ESRRB: variants seen among roughly 807,000 people sequenced by gnomAD.
ESRRB encodes steroid hormone receptor ERR2.
ESRRB carries 16 observed loss-of-function variants against 46.0 expected under a neutral mutation model. The observed-to-expected ratio is 0.35, with a 90% CI of 0.24 to 0.53. ESRRB has a LOEUF of 0.53. Among genes scored for constraint, ESRRB ranks in the 20% least tolerant of loss-of-function variants. The probability of loss-of-function intolerance (pLI) is 0.93; values close to 1 mark genes in which losing one functional copy is unlikely to be tolerated. For missense variants in ESRRB, 488 were observed against 607.4 expected (o/e 0.80, Z 2.07); for synonymous variants, 246 against 259.6 (o/e 0.95, Z 0.50).
intron 1 of ESRRB, among the ~76,000 whole-genome samples, chr14:76,386,075 G>T (rs1885214835): frequency 6.6e-6 from 1 of 152,162 alleles, no homozygotes; most frequent in Non-Finnish European, 1.5e-5. Context: ...TCCCTACAGT[G>T]AGACTGGGGT....
At position 76,376,721 on chromosome 14, in the gene ESRRB, C is replaced by T. The variant is rs1028694017; in HGVS notation, c.50+270C>T. Among the ~76,000 whole-genome samples the T allele has an allele frequency of 1.3e-5, 2 of 152,190 alleles. No homozygotes were observed. Among genetic ancestry groups the T allele is most frequent in the Non-Finnish European group, 2.9e-5 (2 of 68,028 alleles). ...TCTCATGCACTTTCTCCCTTTCTCT[C>T]TCCTCTCTGATCTTGCTCCGGGGTG... On this transcript the variant is annotated intron_variant, in intron 1 of 6. Coordinates refer to ENST00000644823, the MANE Select transcript of ESRRB (RefSeq NM_001379180.1). The surrounding 1 kb of genome is among the most constrained non-coding windows in gnomAD (Gnocchi z 4.1).
upstream of ESRRB, among the ~76,000 whole-genome samples, chr14:76,368,496 G>C (rs150274987): frequency 6.6e-6 from 1 of 152,284 alleles, no homozygotes; most frequent in East Asian, 1.9e-4. Flanking sequence ...TCCAACCAGC[G>C]ATCCTACAGT....
chr14:76,406,750 A>C (rs1354843708), intron 1 of ESRRB, among the ~76,000 whole-genome samples: 1 of 130,280 alleles, frequency 7.7e-6, no homozygotes, highest in Non-Finnish European at 1.6e-5. Flanking sequence ...GTCAAAAAAC[A>C]AACAAACAAA....
intron 1 of ESRRB, among the ~76,000 whole-genome samples, chr14:76,403,468 A>G (rs949922364): frequency 3.9e-5 from 6 of 152,204 alleles, no homozygotes; most frequent in Non-Finnish European, 7.3e-5. Context: ...GAAAATGAAG[A>G]GATGAGGGAA....
At chr14:76,419,896 T>G (rs1239152546) in intron 1 of ESRRB, among the ~76,000 whole-genome samples, 1 of 152,082 alleles carries the variant, frequency 6.6e-6, no homozygotes, top group East Asian at 1.9e-4. Flanking sequence ...GGGGTGGATG[T>G]GGGCAGGAAA....
At chr14:76,394,805 T>C (rs1485415481) in intron 1 of ESRRB, among the ~76,000 whole-genome samples, 1 of 152,202 alleles carries the variant, frequency 6.6e-6, no homozygotes, top group African/African-American at 2.4e-5. Context: ...TGTGCCAGTG[T>C]CACTGCATAC....
chr14:76,382,653 C>G (rs1366669186), intron 1 of ESRRB, among the ~76,000 whole-genome samples: 1 of 152,168 alleles, frequency 6.6e-6, no homozygotes, highest in African/African-American at 2.4e-5. Context: ...ATGGGATGTT[C>G]ACTATGGAGT....
intron 1 of ESRRB, among the ~76,000 whole-genome samples, chr14:76,395,809 A>G (rs11622259): frequency 0.15 from 20,576 of 137,070 alleles, 1,758 homozygotes; most frequent in Admixed American, 0.22. Context: ...CCTAATAAAG[A>G]CTAAAAGTAC....
At chr14:76,325,994 C>T (rs1883925362) in intron 1 of ESRRB, among the ~76,000 whole-genome samples, 1 of 152,200 alleles carries the variant, frequency 6.6e-6, no homozygotes, top group African/African-American at 2.4e-5. Flanking sequence ...GTTTGAGACA[C>T]CTCCTCCCTG....
At chr14:76,321,414 C>A (rs948219370) in intron 1 of ESRRB, among the ~76,000 whole-genome samples, 2 of 152,206 alleles carry the variant, frequency 1.3e-5, no homozygotes, top group Non-Finnish European at 2.9e-5. Flanking sequence ...AGTTTTCACA[C>A]TGGGGTTGAA....
chr14:76,440,548 C>CCTTCCTTG (rs1887876891), intron 2 of ESRRB, among the ~76,000 whole-genome samples: 1 of 97,752 alleles, frequency 1.0e-5, no homozygotes, highest in African/African-American at 6.4e-5. Context: ...TTAAGACCGA[C>CCTTCCTTG]CTTCCTTCAT....
At position 76,453,251 on chromosome 14, in the gene ESRRB, T is replaced by C. The variant is rs537743428; in HGVS notation, c.461-9294T>C. Among the ~76,000 whole-genome samples, 6 of 152,362 alleles carry C rather than the reference T, an allele frequency of 3.9e-5. No homozygotes were observed. The East Asian group carries it at 1.2e-3, about 29-fold the overall frequency. On this transcript the variant is annotated intron_variant, in intron 2 of 6. Coordinates refer to ENST00000644823, the MANE Select transcript of ESRRB (RefSeq NM_001379180.1). ...GAGGAGTGCCATATTTCATCAGTTCTAAGATGCACATTTTCTCCAAGTAAC... is the reference window on the plus strand; with the variant it reads ...GAGGAGTGCCATATTTCATCAGTTCCAAGATGCACATTTTCTCCAAGTAAC...
rs772695793 is a variant in ESRRB, at chr14:76,316,927, C to A, written c.2+6011C>A. 2.6e-5 allele frequency among the ~76,000 whole-genome samples: 4 copies of A among 152,292 alleles called. No individual in the cohort carries two copies. The South Asian group carries it at 6.2e-4, about 24-fold the overall frequency. ...TCTCCTCTCCCCTTTCTGAGCCATA[C>A]CTGCTTCCTCTAGCTGTTCAAACTC... On this transcript the variant is annotated intron_variant, in intron 1 of 6. Coordinates refer to the ESRRB transcript ENST00000512784.
Position 76,439,692 on chromosome 14 carries a change from C to T in ESRRB, c.402C>T (p.Tyr134=), listed in dbSNP as rs139018322. The change falls in exon 2 of 7, where the codon TAC becomes TAT. Residue 134 remains tyrosine (Y), a synonymous_variant. Transcript: ENST00000644823. ...CLVCGDIASG[Y]HYGVASCEAC... is the part of the protein sequence containing the mutation. Reference sequence around the variant, plus strand: ...TGTGCGGGGACATTGCCTCTGGCTACCACTACGGCGTGGCCTCCTGCGAGG... The same window carrying T: ...TGTGCGGGGACATTGCCTCTGGCTATCACTACGGCGTGGCCTCCTGCGAGG... 18 of 1,614,132 alleles carry T rather than the reference C, an allele frequency of 1.1e-5. No individual in the cohort carries two copies. Among genetic ancestry groups the T allele is most frequent in the African/African-American group, 1.3e-5 (1 of 74,950 alleles).
chr14:76,316,413 T>C (rs935351), intron 1 of ESRRB, among the ~76,000 whole-genome samples: 120,411 of 152,084 alleles, frequency 0.79, 47,958 homozygotes, highest in South Asian at 0.86. Context: ...CCTCTGCTCC[T>C]GCTCCTAGCA....
upstream of ESRRB, among the ~76,000 whole-genome samples, chr14:76,374,189 T>C (rs892339999): frequency 3.0e-4 from 46 of 152,230 alleles, no homozygotes; most frequent in African/African-American, 9.6e-4. Flanking sequence ...CAGGCAACTT[T>C]AGATGCTAGA....
chr14:76,491,647 A>C lies in ESRRB; in HGVS notation c.1051A>C (p.Arg351=). 6.3e-7 allele frequency: 1 copy of C among 1,585,394 alleles called. No homozygotes were observed. The highest frequency in any genetic ancestry group is 8.6e-7 in the Non-Finnish European group (1 of 1,167,320). The change falls in exon 6 of 7, where the codon AGG becomes CGG. Residue 351 remains arginine, a synonymous_variant. Coordinates refer to ENST00000644823, the MANE Select transcript of ESRRB (RefSeq NM_001379180.1). ...LYRAILQLVR[R]YKKLKVEKEE... is the part of the protein sequence containing the mutation. ...CCGGGCCATCCTGCAGCTGGTACGC[A>C]GGTACAAGAAGCTCAAGGTGGAGAA...
chr14:76,472,531 G>A (rs566983106), intron 3 of ESRRB, among the ~76,000 whole-genome samples: 3 of 152,314 alleles, frequency 2.0e-5, no homozygotes, highest in Non-Finnish European at 2.9e-5. Context: ...CTGCCTTTAC[G>A]GTGTGTCACT....
intron 1 of ESRRB, among the ~76,000 whole-genome samples, chr14:76,408,721 C>A (rs1886307921): frequency 6.6e-6 from 1 of 151,452 alleles, no homozygotes; most frequent in South Asian, 2.1e-4. Context: ...GCTGGAGGAG[C>A]TAGGAGGAGA....
Sources: allele counts gnomAD v4.1 joint callset (sites outside exome capture counted in the v4.1 genomes callset), GRCh38; gene constraint gnomAD v4.1.1; non-coding constraint Gnocchi (gnomAD v3.1); transcripts MANE v1.5; gene names NCBI Gene and HGNC (gene_info 2026-07-23, HGNC 2026-07-21).